Variants in AGBL4 observed in about 807,000 individuals in gnomAD.
AGBL4 encodes cytosolic carboxypeptidase 6.
AGBL4 carries 58 observed loss-of-function variants against 66.4 expected under a neutral mutation model. The observed-to-expected ratio is 0.87, with a 90% confidence interval of 0.71 to 1.09. The LOEUF (loss-of-function observed/expected upper bound fraction) is 1.09, where lower values mean the gene tolerates loss of function less well. AGBL4 is among the 50% of genes least tolerant of loss of function. The pLI is 0.00. For missense variants in AGBL4, 579 were observed against 631.0 expected, an observed-to-expected ratio of 0.92 and a Z score of 0.88; for synonymous variants, 234 against 222.9, an observed-to-expected ratio of 1.05 and a Z score of -0.44.
intron 3 of AGBL4, among the ~76,000 whole-genome samples, chr1:49,526,296 C>T (rs541735381): frequency 6.6e-6 from 1 of 152,074 alleles, no homozygotes; most frequent in East Asian, 1.9e-4. Flanking sequence ...ACTACAAAAT[C>T]TGGAGAGTCT....
chr1:48,522,840 C>G, the AGBL4 span, among the ~76,000 whole-genome samples: 12 of 151,520 alleles, frequency 7.9e-5, no homozygotes, highest in Non-Finnish European at 1.5e-4. Context: ...GCAGAAGAAT[C>G]GCTTGAACCT....
In AGBL4 at chr1:48,534,223, C is replaced by G; in HGVS notation, c.1462G>C (p.Gly488Arg). Reference protein sequence around the residue: ...GPASNYPNSKGDKKSSVNHKD... With the variant: ...GPASNYPNSKRDKKSSVNHKD... ...TGGTTCACTGAGCTCTTCTTGTCCC[C>G]TTTGCTGTTGGGGTAGTTGCTGGCT... is the stretch of plus-strand genomic sequence containing the variant. The change falls in exon 14 of 14, where the codon GGG (glycine) becomes CGG (arginine). Residue 488 changes from glycine (G) to arginine (R), a missense_variant. Physicochemically the swap from Gly to Arg is moderately radical, Grantham distance 125. Transcript: ENST00000371839. The G allele has an allele frequency of 1.9e-6, 3 of 1,551,648 alleles. No individual in the cohort carries two copies. The highest frequency in any genetic ancestry group is 2.6e-6 in the Non-Finnish European group (3 of 1,146,936).
chr1:48,589,344 C>T (rs1311003598), intron 10 of AGBL4, among the ~76,000 whole-genome samples: 4 of 152,160 alleles, frequency 2.6e-5, no homozygotes, highest in East Asian at 1.9e-4. Context: ...CATCTTAACA[C>T]GCAGAGAAAT....
In AGBL4 at chr1:49,350,850, T is replaced by G. The variant is rs538855597; in HGVS notation, c.283-104986A>C. On this transcript the variant is annotated intron_variant, in intron 3 of 13. Coordinates refer to ENST00000371839, the MANE Select transcript of AGBL4 (RefSeq NM_032785.4). ...CCAGGACAGGACTCTTCCTGCTGCT[T>G]CTTCTACTTTTATATTTCACTCAAC... Among the ~76,000 whole-genome samples, 14 of 152,234 alleles carry G rather than the reference T, an allele frequency of 9.2e-5. No individual in the cohort carries two copies. The East Asian group carries it at 1.2e-3, about 13-fold the overall frequency.
chr1:49,511,661 C>T (rs1336965579), intron 3 of AGBL4, among the ~76,000 whole-genome samples: 4 of 151,162 alleles, frequency 2.6e-5, no homozygotes, highest in Non-Finnish European at 5.9e-5. Flanking sequence ...ATTTTCTCCC[C>T]AATGCGTTTT....
At chr1:48,844,281 C>A (rs1234522469) in intron 6 of AGBL4, among the ~76,000 whole-genome samples, 1 of 152,162 alleles carries the variant, frequency 6.6e-6, no homozygotes, top group Non-Finnish European at 1.5e-5. Context: ...AAAGCTATCC[C>A]TCAGTCCTAC....
chr1:49,372,336 A>G (rs1403053451), intron 3 of AGBL4, among the ~76,000 whole-genome samples: 2 of 152,140 alleles, frequency 1.3e-5, no homozygotes, highest in Non-Finnish European at 2.9e-5. Context: ...CTTATTTTTC[A>G]TCCATGTCAG....
chr1:48,926,049 C>A (rs1385253271), intron 5 of AGBL4, among the ~76,000 whole-genome samples: 1 of 152,040 alleles, frequency 6.6e-6, no homozygotes, highest in Non-Finnish European at 1.5e-5. Context: ...AATGTGGGCA[C>A]CTTTAGAAAC....
chr1:49,341,215 G>A (rs1645533358), intron 3 of AGBL4, among the ~76,000 whole-genome samples: 1 of 152,056 alleles, frequency 6.6e-6, no homozygotes, highest in Non-Finnish European at 1.5e-5. Context: ...CCCTCTCTTG[G>A]GGTCTGGATC....
chr1:49,322,385 C>T (rs1361649992), intron 3 of AGBL4, among the ~76,000 whole-genome samples: 1 of 152,164 alleles, frequency 6.6e-6, no homozygotes, highest in South Asian at 2.1e-4. Flanking sequence ...AGAAATGAGA[C>T]TCTTTTTAAA....
chr1:49,625,814 C>A (rs569312420), intron 3 of AGBL4, among the ~76,000 whole-genome samples: 1 of 152,104 alleles, frequency 6.6e-6, no homozygotes, highest in East Asian at 1.9e-4. Flanking sequence ...CACTAAAGTG[C>A]CTGCTTGGCA....
At chr1:49,704,922 G>A (rs1467895790) in intron 2 of AGBL4, among the ~76,000 whole-genome samples, 1 of 152,092 alleles carries the variant, frequency 6.6e-6, no homozygotes, top group Non-Finnish European at 1.5e-5. Flanking sequence ...ATCTTTCTTG[G>A]TTCCATAAGA....
At chr1:49,225,086 G>A (rs1054155033) in intron 4 of AGBL4, among the ~76,000 whole-genome samples, 4 of 152,156 alleles carry the variant, frequency 2.6e-5, no homozygotes, top group African/African-American at 7.2e-5. Flanking sequence ...AAGAAGGGCC[G>A]TAAGACTCAT....
chr1:50,022,098 A>T (rs1161119930), intron 1 of AGBL4, among the ~76,000 whole-genome samples: 1 of 152,188 alleles, frequency 6.6e-6, no homozygotes, highest in Non-Finnish European at 1.5e-5. Flanking sequence ...CAGCTAAAAT[A>T]TCACTTCCAG....
At chr1:49,474,296 G>A (rs1050329586) in intron 3 of AGBL4, among the ~76,000 whole-genome samples, 5 of 152,012 alleles carry the variant, frequency 3.3e-5, no homozygotes, top group Admixed American at 1.3e-4. Flanking sequence ...TGTCATCTCC[G>A]ATTTCTTTCA....
chr1:49,765,703 A>G (rs1311534563), intron 2 of AGBL4, among the ~76,000 whole-genome samples: 1 of 152,130 alleles, frequency 6.6e-6, no homozygotes, highest in Non-Finnish European at 1.5e-5. Context: ...AAGCTTTGAA[A>G]GCAATCCAGA....
At chr1:49,073,207 G>T (rs1239830270) in intron 4 of AGBL4, among the ~76,000 whole-genome samples, 1 of 152,022 alleles carries the variant, frequency 6.6e-6, no homozygotes, top group Non-Finnish European at 1.5e-5. Flanking sequence ...CTTTAGTTCG[G>T]AGGAGTTTGT....
At chr1:48,631,425 C>CGACA (rs993139569) in intron 9 of AGBL4, among the ~76,000 whole-genome samples, 7 of 152,300 alleles carry the variant, frequency 4.6e-5, no homozygotes, top group African/African-American at 1.7e-4. Context: ...GAGTCTTGAT[C>CGACA]TGTCACTCAG....
intron 3 of AGBL4, among the ~76,000 whole-genome samples, chr1:49,335,790 T>C (rs503912): frequency 0.12 from 17,777 of 152,124 alleles, 1,679 homozygotes; most frequent in African/African-American, 0.27. Context: ...GCTGGGATTA[T>C]AGGCGTGAGC....
Sources: allele counts gnomAD v4.1 joint callset (sites outside exome capture counted in the v4.1 genomes callset), GRCh38; gene constraint gnomAD v4.1.1; transcripts MANE v1.5; gene names NCBI Gene and HGNC (gene_info 2026-07-23, HGNC 2026-07-21).